DPH6: variants seen among roughly 807,000 people sequenced by gnomAD.
DPH6 encodes diphthamine biosynthesis 6, also known as diphthine--ammonia ligase.
Under a neutral mutation model 38.2 loss-of-function variants are expected in DPH6, and 33 were observed. That is an observed-to-expected ratio of 0.86 (90% CI 0.65 to 1.15). The LOEUF (loss-of-function observed/expected upper bound fraction) is 1.15, where lower values mean the gene tolerates loss of function less well. Ranked by LOEUF, DPH6 falls within the 50% of genes most tolerant of loss-of-function variation. The pLI, the probability that DPH6 is intolerant of heterozygous loss-of-function variation, is 0.00. For synonymous variants in DPH6, 108 were observed against 103.0 expected (o/e 1.05, Z -0.30); for missense variants, 325 against 320.0 (o/e 1.02, Z -0.12).
intron 6 of DPH6, among the ~76,000 whole-genome samples, chr15:35,384,552 A>T (rs1451757930): frequency 6.6e-6 from 1 of 152,024 alleles, no homozygotes; most frequent in Admixed American, 6.6e-5. Flanking sequence ...AATCCCAGCT[A>T]CTCAGGAGGC....
chr15:35,436,160 C>T (rs909371289), intron 5 of DPH6, among the ~76,000 whole-genome samples: 1 of 151,992 alleles, frequency 6.6e-6, no homozygotes, highest in Non-Finnish European at 1.5e-5. Context: ...TAGCTCAGTC[C>T]GACAGCAATT....
intron 5 of DPH6, among the ~76,000 whole-genome samples, chr15:35,435,608 CCT>C (rs1278837458): frequency 2.0e-5 from 3 of 152,202 alleles, no homozygotes; most frequent in Non-Finnish European, 2.9e-5. Context: ...GGCAGGACCC[CCT>C]CTTTCTTTTC....
the DPH6 span, among the ~76,000 whole-genome samples, chr15:35,170,475 T>C: frequency 6.6e-6 from 1 of 152,166 alleles, no homozygotes. Context: ...TTTTTACTTA[T>C]GTGTTTGGAG....
chr15:35,204,627 T>A, the DPH6 span, among the ~76,000 whole-genome samples: 7 of 151,702 alleles, frequency 4.6e-5, no homozygotes, highest in Admixed American at 1.3e-4. Flanking sequence ...GGATAAGAAC[T>A]TTCATGAGAA....
At chr15:35,503,908 A>G (rs887719314) in intron 3 of DPH6, among the ~76,000 whole-genome samples, 1 of 152,024 alleles carries the variant, frequency 6.6e-6, no homozygotes, top group African/African-American at 2.4e-5. Flanking sequence ...AAAGCAAGTT[A>G]TTTTCCGCTA....
intron 3 of DPH6, among the ~76,000 whole-genome samples, chr15:35,301,374 C>T (rs1012699979): frequency 1.3e-5 from 2 of 152,152 alleles, no homozygotes; most frequent in Admixed American, 6.5e-5. Context: ...CAATATCTGG[C>T]TTTATTTAGC....
At chr15:35,494,656 T>C (rs1167192808) in intron 3 of DPH6, among the ~76,000 whole-genome samples, 6 of 152,088 alleles carry the variant, frequency 3.9e-5, no homozygotes, top group Admixed American at 1.3e-4. Context: ...AATTGAACAA[T>C]TGTTCAATAT....
In DPH6 at chr15:35,279,066, A is replaced by ATATATAT. The variant is rs3028680; in HGVS notation, n.201-58485_201-58484insATATATA. Among the ~76,000 whole-genome samples, 58 of 97,986 alleles carry ATATATAT rather than the reference A, an allele frequency of 5.9e-4. No homozygotes were observed. In the East Asian group the frequency reaches 9.6e-3, roughly 16 times the overall value. The allele number at this position is 97,986 out of a possible 152,430, so 64.3% of individuals were successfully genotyped here. ...TCTGTCTCAAAAAAAAAAAAAAAAA[A>ATATATAT]AAATATATATATATATATAATTTTG... On this transcript the variant is annotated intron_variant and non_coding_transcript_variant, in intron 3 of 3. Transcript: ENST00000560386.
chr15:35,380,866 G>T (rs1359867022), intron 7 of DPH6, among the ~76,000 whole-genome samples: 1 of 152,132 alleles, frequency 6.6e-6, no homozygotes, highest in South Asian at 2.1e-4. Flanking sequence ...CACTTTGGAT[G>T]TAATAGGTAC....
At chr15:35,337,545 T>C (rs576936939) in intron 3 of DPH6, among the ~76,000 whole-genome samples, 112 of 152,258 alleles carry the variant, frequency 7.4e-4, no homozygotes, top group African/African-American at 2.6e-3. Flanking sequence ...TACAAACAAA[T>C]GGAAGAATAT....
At chr15:35,267,232 G>T (rs2140423554) in intron 3 of DPH6, among the ~76,000 whole-genome samples, 1 of 152,298 alleles carries the variant, frequency 6.6e-6, no homozygotes, top group South Asian at 2.1e-4. Flanking sequence ...GGGCAGGGAG[G>T]AGCTGCTGAT....
chr15:35,298,568 G>A (rs538423920), intron 3 of DPH6: 1 of 790,550 alleles, frequency 1.3e-6, no homozygotes, highest in Non-Finnish European at 2.3e-6. Context: ...TTCAGTCAGT[G>A]GATTTGAATC....
chr15:35,500,288 G>A (rs1319573673), intron 3 of DPH6, among the ~76,000 whole-genome samples: 5 of 152,030 alleles, frequency 3.3e-5, no homozygotes, highest in Admixed American at 2.6e-4. Flanking sequence ...TTTCACAAGC[G>A]GAATCACGCT....
At chr15:35,367,443 C>T (rs138197662), downstream of DPH6, among the ~76,000 whole-genome samples, 30 of 151,938 alleles carry the variant, frequency 2.0e-4, no homozygotes, top group Middle Eastern at 3.4e-3. Flanking sequence ...AAAGGTTATA[C>T]ATTTTAATAT....
At chr15:35,475,918 T>C (rs1388372074) in intron 3 of DPH6, among the ~76,000 whole-genome samples, 26 of 151,754 alleles carry the variant, frequency 1.7e-4, no homozygotes, top group Admixed American at 1.6e-3. Flanking sequence ...GGAGAAAAGA[T>C]ACATGAATAG....
chr15:35,435,493 G>A (rs2053686949), intron 5 of DPH6, among the ~76,000 whole-genome samples: 1 of 152,186 alleles, frequency 6.6e-6, no homozygotes, highest in African/African-American at 2.4e-5. Context: ...CTGGGAGAAT[G>A]GGGTAAAGCC....
chr15:35,428,032 G>C (rs1193950931), intron 5 of DPH6, among the ~76,000 whole-genome samples: 4 of 152,012 alleles, frequency 2.6e-5, no homozygotes, highest in Non-Finnish European at 1.5e-5. Flanking sequence ...AAGTAGACCA[G>C]GAGGCAATGG....
At chr15:35,245,728 A>AT in intron 3 of DPH6, among the ~76,000 whole-genome samples, 1 of 151,798 alleles carries the variant, frequency 6.6e-6, no homozygotes, top group Non-Finnish European at 1.5e-5. Flanking sequence ...AAATCAACAC[A>AT]TTTTAACTTT....
At chr15:35,544,897 G>C (rs2055321343) in intron 1 of DPH6, among the ~76,000 whole-genome samples, 1 of 152,156 alleles carries the variant, frequency 6.6e-6, no homozygotes, top group African/African-American at 2.4e-5. Flanking sequence ...TTCACTTCCT[G>C]GGGTACTTTT....
Sources: allele counts gnomAD v4.1 joint callset (sites outside exome capture counted in the v4.1 genomes callset), GRCh38; gene constraint gnomAD v4.1.1; transcripts MANE v1.5; gene names NCBI Gene and HGNC (gene_info 2026-07-23, HGNC 2026-07-21).